Variants in CSNK1G2 observed in about 807,000 individuals in gnomAD.
CSNK1G2 encodes the protein casein kinase 1 gamma 2.
In CSNK1G2, 11 loss-of-function variants were observed where a neutral mutation model predicts 48.0. The observed-to-expected ratio is 0.23, with a 90% confidence interval of 0.14 to 0.38. The LOEUF is 0.38. Ranked by LOEUF, CSNK1G2 falls within the 10% of genes least tolerant of loss-of-function variation. The pLI is 1.00. For missense variants in CSNK1G2, 446 were observed against 595.5 expected (o/e 0.75, Z 2.61); for synonymous variants, 337 against 254.1 (o/e 1.33, Z -3.10).
rs1354549216 is a variant in CSNK1G2 at position 1,965,378 on chromosome 19, G to A, written c.-265-4130G>A. ...AGCCTGGGCGACAGAGCGAGACTCC[G>A]TTTCCAAAAAAAAAAAAAAGATCAT... is the stretch of plus-strand genomic sequence containing the variant. On this transcript the variant is annotated intron_variant, in intron 1 of 11. Coordinates refer to ENST00000255641, the MANE Select transcript of CSNK1G2 (RefSeq NM_001319.7). 4.3e-5 allele frequency among the ~76,000 whole-genome samples: 4 copies of A among 92,338 alleles called. No individual in the cohort carries two copies. The South Asian group carries it at 1.0e-3, about 23-fold the overall frequency. The allele number at this position is 92,338 out of a possible 152,430, so 60.6% of individuals were successfully genotyped here. A position where few individuals can be genotyped will look rare whatever the true frequency, so the allele number is the denominator to read the frequency against.
Position 1,969,624 on chromosome 19 carries a change from G to A in CSNK1G2, c.-149G>A, listed in dbSNP as rs1290000624. On this transcript the variant is annotated 5_prime_UTR_variant, in exon 2 of 12. Transcript: ENST00000255641. ...CGGCCTGGCCGGCCCGAACGCCTGC[G>A]TCTCAGTAGCTGGGAGCCACGGGCC... 9.3e-6 allele frequency: 6 copies of A among 647,084 alleles called. No individual in the cohort carries two copies. Among genetic ancestry groups the A allele is most frequent in the East Asian group, 3.5e-5 (1 of 28,908 alleles). 40.1% of individuals were successfully genotyped at this position (647,084 alleles called of 1,614,324 possible). A position where few individuals can be genotyped will look rare whatever the true frequency, so the allele number is the denominator to read the frequency against.
At chr19:1,971,197 C>A (rs1245734679) in intron 2 of CSNK1G2, among the ~76,000 whole-genome samples, 1 of 152,256 alleles carries the variant, frequency 6.6e-6, no homozygotes, top group Non-Finnish European at 1.5e-5. Context: ...CAGGCGAGGG[C>A]AGCTGTTGGG....
chr19:1,943,604 C>T (rs1247655583), intron 1 of CSNK1G2, among the ~76,000 whole-genome samples: 2 of 151,712 alleles, frequency 1.3e-5, no homozygotes, highest in African/African-American at 4.9e-5. Flanking sequence ...TGTTGGTGTG[C>T]CAGGCACGGT....
At chr19:1,970,340 G>A (rs1163836856) in intron 2 of CSNK1G2, among the ~76,000 whole-genome samples, 1 of 152,274 alleles carries the variant, frequency 6.6e-6, no homozygotes, top group Non-Finnish European at 1.5e-5. Context: ...TCAGCTCGTG[G>A]GAGGTCTTGG....
chr19:1,949,136 G>A (rs766810147), intron 1 of CSNK1G2, among the ~76,000 whole-genome samples: 3 of 152,154 alleles, frequency 2.0e-5, no homozygotes, highest in Admixed American at 6.5e-5. Context: ...GTTCAAACCT[G>A]CCGTGGTCAA....
chr19:1,960,929 C>T (rs566212979), intron 1 of CSNK1G2, among the ~76,000 whole-genome samples: 3 of 152,242 alleles, frequency 2.0e-5, no homozygotes, highest in Non-Finnish European at 4.4e-5. Context: ...TCAGCCCCCT[C>T]TTCCTGTGGA....
chr19:1,965,290 G>A (rs920330055), intron 1 of CSNK1G2, among the ~76,000 whole-genome samples: 2 of 150,488 alleles, frequency 1.3e-5, no homozygotes, highest in East Asian at 4.2e-4. Context: ...GGCTGAGGCA[G>A]GAGAATGGCA....
At position 1,979,738 on chromosome 19, in the gene CSNK1G2, T is replaced by G; in HGVS notation, c.1003-14T>G. 2 of 1,604,498 alleles carry G rather than the reference T, an allele frequency of 1.2e-6. No individual in the cohort carries two copies. The highest frequency in any genetic ancestry group is 1.7e-6 in the Non-Finnish European group (2 of 1,179,428). On this transcript the variant is annotated splice_polypyrimidine_tract_variant and intron_variant, in intron 9 of 11. Coordinates refer to ENST00000255641, the MANE Select transcript of CSNK1G2 (RefSeq NM_001319.7). ...CGCTGCAGCCCATCCTGACCCCTGC[T>G]CCCTCACCCACAGCCGACCCCCATC...
At chr19:1,976,343 C>T (rs530273505) in intron 2 of CSNK1G2, among the ~76,000 whole-genome samples, 1 of 152,284 alleles carries the variant, frequency 6.6e-6, no homozygotes, top group South Asian at 2.1e-4. Flanking sequence ...GGGCTCAGGG[C>T]TGCAGGGAGG....
In CSNK1G2 at chr19:1,946,607, A is replaced by T. The variant is rs146508401; in HGVS notation, c.-266+5189A>T. Among the ~76,000 whole-genome samples the T allele has an allele frequency of 3.7e-3, 457 of 123,810 alleles. 4 individuals are homozygous for T. Among genetic ancestry groups the T allele is most frequent in the African/African-American group, 0.012 (425 of 34,092 alleles). 81.2% of individuals were successfully genotyped at this position (123,810 alleles called of 152,430 possible). A position where few individuals can be genotyped will look rare whatever the true frequency, so the allele number is the denominator to read the frequency against. ...CGCCCGGCTATTTATTTATTTATTT[A>T]TTATTATTATTATTATTTTCTTTGA... On this transcript the variant is annotated intron_variant, in intron 1 of 11. Transcript: ENST00000255641.
intron 2 of CSNK1G2, among the ~76,000 whole-genome samples, chr19:1,973,927 G>GC: frequency 6.6e-6 from 1 of 152,076 alleles, no homozygotes; most frequent in South Asian, 2.1e-4. Context: ...TTGCTCTGTT[G>GC]CCCAGGCTGG....
intron 1 of CSNK1G2, among the ~76,000 whole-genome samples, chr19:1,951,649 G>T (rs1408450785): frequency 1.4e-5 from 2 of 141,218 alleles, no homozygotes; most frequent in Admixed American, 7.2e-5. Flanking sequence ...GGGAGGAAGC[G>T]GTGAGAGTCC....
chr19:1,979,841 GC>G lies in CSNK1G2; in HGVS notation c.1086+9del. 6.2e-7 allele frequency: 1 copy of G among 1,603,194 alleles called. No individual in the cohort carries two copies. The highest frequency in any genetic ancestry group is 8.5e-7 in the Non-Finnish European group (1 of 1,175,624). On this transcript the variant is annotated splice_region_variant and intron_variant, in intron 10 of 11. Coordinates refer to ENST00000255641, the MANE Select transcript of CSNK1G2 (RefSeq NM_001319.7). Reference sequence around the variant, plus strand: ...AGCCGCACAGCAAAAACCAGGTGAGGCCCGGGCGGGACCGACCGCCCCAGGG... The same window carrying G: ...AGCCGCACAGCAAAAACCAGGTGAGGCCGGGCGGGACCGACCGCCCCAGGG...
Position 1,967,994 on chromosome 19 carries a change from C to G in CSNK1G2, c.-265-1514C>G, listed in dbSNP as rs1210322400. Among the ~76,000 whole-genome samples, 27 of 45,572 alleles carry G rather than the reference C, an allele frequency of 5.9e-4. 9 individuals are homozygous for G. Among genetic ancestry groups the G allele is most frequent in the African/African-American group, 4.5e-3 (27 of 5,994 alleles). 29.9% of individuals were successfully genotyped at this position (45,572 alleles called of 152,430 possible). The stretch of plus-strand genomic sequence containing the variant: ...GCTCCTCCCTCCTCCCCAGGCTGCC[C>G]CCGACCACCCTTCAGTTCTGCAGGT... On this transcript the variant is annotated intron_variant, in intron 1 of 11. Transcript: ENST00000255641.
At position 1,969,730 on chromosome 19, in the gene CSNK1G2, C is replaced by T. The variant is rs773264771; in HGVS notation, c.-43C>T. The T allele has an allele frequency of 1.8e-5, 22 of 1,253,506 alleles. No homozygotes were observed. In the Admixed American group the frequency reaches 3.2e-4, roughly 18 times the overall value. 77.6% of individuals were successfully genotyped at this position (1,253,506 alleles called of 1,614,324 possible). A position where few individuals can be genotyped will look rare whatever the true frequency, so the allele number is the denominator to read the frequency against. ...GGTTTCCAGAGACTTGGGATTTGCA[C>T]GGCAGCAGAGTCACCGTGGAGAGGC... On this transcript the variant is annotated 5_prime_UTR_variant, in exon 2 of 12. The change creates a new upstream start codon in the 5' untranslated region. Coordinates refer to ENST00000255641, the MANE Select transcript of CSNK1G2 (RefSeq NM_001319.7).
At chr19:1,948,791 T>G (rs2145502119) in intron 1 of CSNK1G2, among the ~76,000 whole-genome samples, 1 of 152,316 alleles carries the variant, frequency 6.6e-6, no homozygotes, top group East Asian at 1.9e-4. Flanking sequence ...CAGATGCCGC[T>G]GCCGACAGCC....
At chr19:1,945,790 C>G (rs2014532278) in intron 1 of CSNK1G2, among the ~76,000 whole-genome samples, 1 of 150,870 alleles carries the variant, frequency 6.6e-6, no homozygotes, top group Non-Finnish European at 1.5e-5. Flanking sequence ...CCACTGCACT[C>G]CAGCCTGGGC....
At position 1,969,465 on chromosome 19, in the gene CSNK1G2, G is replaced by A. The variant is rs540791464; in HGVS notation, c.-265-43G>A. 148 of 217,734 alleles carry A rather than the reference G, an allele frequency of 6.8e-4. No homozygotes were observed. The Middle Eastern group carries it at 8.8e-3, about 13-fold the overall frequency. 13.5% of individuals were successfully genotyped at this position (217,734 alleles called of 1,614,324 possible). A position where few individuals can be genotyped will look rare whatever the true frequency, so the allele number is the denominator to read the frequency against. ...CGCCCCGTGTCCTCAGTGGCCCCGC[G>A]GGGGCCTTGCCGGTGCTCACCTGTG... On this transcript the variant is annotated intron_variant, in intron 1 of 11. Transcript: ENST00000255641.
intron 2 of CSNK1G2, among the ~76,000 whole-genome samples, chr19:1,970,704 G>T (rs1214416320): frequency 6.6e-6 from 1 of 152,212 alleles, no homozygotes; most frequent in African/African-American, 2.4e-5. Flanking sequence ...TTTATTGCTG[G>T]TGCTGCCGGA....
Sources: allele counts gnomAD v4.1 joint callset (sites outside exome capture counted in the v4.1 genomes callset), GRCh38; gene constraint gnomAD v4.1.1; transcripts MANE v1.5; gene names NCBI Gene and HGNC (gene_info 2026-07-23, HGNC 2026-07-21).